The following VWDE variants were observed in gnomAD, a reference collection of about 807,000 sequenced individuals.
VWDE encodes the protein von Willebrand factor D and EGF domains, also known as von Willebrand factor D and EGF domain-containing protein.
Under a neutral mutation model 178.4 loss-of-function variants are expected in VWDE, and 207 were observed. The observed-to-expected ratio is 1.16, with a 90% CI of 1.04 to 1.30. The LOEUF (loss-of-function observed/expected upper bound fraction) is 1.30, where lower values mean the gene tolerates loss of function less well. VWDE is among the 50% of genes most tolerant of loss of function. The probability of loss-of-function intolerance (pLI) is 0.00; values close to 1 mark genes in which losing one functional copy is unlikely to be tolerated. For missense variants in VWDE, 2,287 were observed against 1,901.3 expected (o/e 1.20, Z -3.77); for synonymous variants, 738 against 651.4 (o/e 1.13, Z -2.02).
intron 28 of VWDE, among the ~76,000 whole-genome samples, chr7:12,332,038 C>T (rs1305104691): frequency 1.3e-5 from 2 of 152,052 alleles, no homozygotes; most frequent in Non-Finnish European, 2.9e-5. Context: ...CTGAACCCTC[C>T]TTTGGGGAAG....
chr7:12,389,451 A>C (rs1223738316), intron 2 of VWDE, 93 bp from the exon 3 acceptor site: 3 of 892,142 alleles, frequency 3.4e-6, no homozygotes, highest in Non-Finnish European at 3.4e-6. Flanking sequence ...ATCAAGCCTT[A>C]AAATATCATT....
At chr7:12,347,879 T>C (rs1297722668) in intron 19 of VWDE, among the ~76,000 whole-genome samples, 4 of 152,152 alleles carry the variant, frequency 2.6e-5, no homozygotes, top group East Asian at 3.9e-4. Flanking sequence ...AACAGAGATA[T>C]AGATCAATAG....
chr7:12,366,686 A>C (rs1330989438), intron 13 of VWDE, among the ~76,000 whole-genome samples: 1 of 152,094 alleles, frequency 6.6e-6, no homozygotes, highest in African/African-American at 2.4e-5. Context: ...TAATTTAGAG[A>C]AAAAGTAAGA....
At chr7:12,368,024 G>A (rs1782957264) in intron 12 of VWDE, among the ~76,000 whole-genome samples, 1 of 151,766 alleles carries the variant, frequency 6.6e-6, no homozygotes, top group Non-Finnish European at 1.5e-5. Context: ...AACTCTACTA[G>A]CAGTAGGGTA....
intron 27 of VWDE, 58 bp from the exon 28 acceptor site, chr7:12,333,626 T>C: frequency 8.2e-7 from 1 of 1,212,624 alleles, no homozygotes; most frequent in African/African-American, 1.5e-5. Context: ...TTGTGGCATA[T>C]TCTATCCTAG....
rs111611687 is a variant in VWDE, at chr7:12,381,399, A to G, written c.542-666T>C. 7.7e-3 allele frequency among the ~76,000 whole-genome samples: 1,168 copies of G among 152,226 alleles called. 14 individuals carry two copies. Among genetic ancestry groups the G allele is most frequent in the African/African-American group, 0.026 (1,078 of 41,556 alleles). The stretch of plus-strand genomic sequence containing the variant: ...TTTAGTTTTGTTCTGTTTTAGAAAG[A>G]GGAAAAATATCTGAGTGGTAAATTT... On this transcript the variant is annotated intron_variant, in intron 4 of 28. Transcript: ENST00000275358.
rs1367450775 is a variant in VWDE at position 12,389,201 on chromosome 7, G to A, written c.401C>T (p.Ser134Phe). The A allele has an allele frequency of 6.4e-7, 1 of 1,551,846 alleles. No homozygotes were observed. The highest frequency in any genetic ancestry group is 8.7e-7 in the Non-Finnish European group (1 of 1,147,040). ...KDCCLFQIPV[S>F]VRNCGNFSVY... ...AGAAAAGTTCCCACAGTTTCTTACAGACACTGGGATTTGAAAGAGACAGCA... is the reference window on the plus strand; with the variant it reads ...AGAAAAGTTCCCACAGTTTCTTACAAACACTGGGATTTGAAAGAGACAGCA... The change falls in exon 3 of 29, where the codon TCT becomes TTT. Residue 134 changes from serine to phenylalanine, a missense_variant. Ser to Phe is a radical substitution (Grantham distance 155). Transcript: ENST00000275358.
chr7:12,356,419 T>G, intron 17 of VWDE, 89 bp from the exon 18 acceptor site: 1 of 910,742 alleles, frequency 1.1e-6, no homozygotes, highest in Non-Finnish European at 1.7e-6. Context: ...CATGTATGTT[T>G]ATGTACAAGT....
chr7:12,361,661 T>C (rs1340247434), intron 13 of VWDE, 140 bp from the exon 14 acceptor site: 4 of 744,902 alleles, frequency 5.4e-6, no homozygotes, highest in African/African-American at 1.8e-5. Flanking sequence ...AAAAGTCACA[T>C]TGGGAGTGAG....
At chr7:12,347,133 C>T (rs1007182878) in intron 19 of VWDE, among the ~76,000 whole-genome samples, 12 of 152,024 alleles carry the variant, frequency 7.9e-5, no homozygotes, top group Non-Finnish European at 1.5e-4. Context: ...ACTAGCAGTC[C>T]CCAGAAGAAC....
At chr7:12,355,419 A>AT (rs1344259410) in intron 18 of VWDE, among the ~76,000 whole-genome samples, 1 of 151,696 alleles carries the variant, frequency 6.6e-6, no homozygotes, top group African/African-American at 2.4e-5. Context: ...CCGTCTCAAA[A>AT]AAAAAAAAAA....
At position 12,342,967 on chromosome 7, in the gene VWDE, C is replaced by G. The variant is rs115146702; in HGVS notation, c.4174+116G>C. Reference sequence around the variant, plus strand: ...TTGTCCTTGCGATAGTTTACAAGAACTATCACAATGTGTGTTCTTTACGTA... The same window carrying G: ...TTGTCCTTGCGATAGTTTACAAGAAGTATCACAATGTGTGTTCTTTACGTA... On this transcript the variant is annotated intron_variant, in intron 22 of 28. Coordinates refer to ENST00000275358, the MANE Select transcript of VWDE (RefSeq NM_001135924.3). 674 of 661,446 alleles carry G rather than the reference C, an allele frequency of 1.0e-3. 10 individuals carry two copies. In the African/African-American group the frequency reaches 0.012, roughly 11 times the overall value. 41.0% of individuals were successfully genotyped at this position (661,446 alleles called of 1,614,324 possible). A position where few individuals can be genotyped will look rare whatever the true frequency, so the allele number is the denominator to read the frequency against.
intron 8 of VWDE, 112 bp downstream of exon 8, chr7:12,374,898 A>G: frequency 8.2e-7 from 1 of 1,226,802 alleles, no homozygotes. Flanking sequence ...GAATCATTTA[A>G]AAACTAATTT....
chr7:12,346,459 T>TAA (rs1331121663), intron 19 of VWDE, among the ~76,000 whole-genome samples: 2 of 152,054 alleles, frequency 1.3e-5, no homozygotes, highest in African/African-American at 4.8e-5. Context: ...ACTAAATGTA[T>TAA]AAGCAAAAAT....
At chr7:12,341,840 G>C (rs941177331) in intron 23 of VWDE, among the ~76,000 whole-genome samples, 15 of 152,134 alleles carry the variant, frequency 9.9e-5, no homozygotes, top group Non-Finnish European at 1.9e-4. Context: ...GTATTGGTTG[G>C]TTAAGATAAC....
chr7:12,343,192 T>C lies in VWDE; in HGVS notation c.4079-14A>G, dbSNP rs1333934685. ...GGTTACAATGTTCTGCAGAAACAGA[T>C]TATGTTATTATGTCAGTTCTTAATT... On this transcript the variant is annotated splice_polypyrimidine_tract_variant and intron_variant, in intron 21 of 28. Coordinates refer to ENST00000275358, the MANE Select transcript of VWDE (RefSeq NM_001135924.3). The C allele has an allele frequency of 6.6e-7, 1 of 1,524,446 alleles. No individual in the cohort carries two copies. The highest frequency in any genetic ancestry group is 8.9e-7 in the Non-Finnish European group (1 of 1,126,034). 94.4% of individuals were successfully genotyped at this position (1,524,446 alleles called of 1,614,324 possible).
chr7:12,399,120 G>T (rs1784760458), intron 1 of VWDE, among the ~76,000 whole-genome samples: 1 of 152,072 alleles, frequency 6.6e-6, no homozygotes, highest in South Asian at 2.1e-4. Context: ...AAAAGCAAGG[G>T]AAAATAGAGT....
rs1783440338 is a variant in VWDE at position 12,375,022 on chromosome 7, TG to T, written c.1229del (p.Pro410GlnfsTer8). 1 of 1,551,060 alleles carries T rather than the reference TG, an allele frequency of 6.4e-7. No individual in the cohort carries two copies. Among genetic ancestry groups the T allele is most frequent in the Non-Finnish European group, 8.7e-7 (1 of 1,146,558 alleles). On this transcript the variant is annotated frameshift_variant, in exon 8 of 29. Coordinates refer to ENST00000275358, the MANE Select transcript of VWDE (RefSeq NM_001135924.3). LOFTEE classifies it high-confidence loss of function. ...NEDFLWNNYI[P>X]DSIQIKVKDV... ...GTAATTTGTCAACCTGGATGCTGTC[TG>T]GAATGTAGTTGTTCCACAGGAAATC...
intron 1 of VWDE, among the ~76,000 whole-genome samples, chr7:12,398,683 T>C (rs1377888622): frequency 2.6e-5 from 4 of 152,090 alleles, no homozygotes; most frequent in Non-Finnish European, 4.4e-5. Context: ...ATTTCAGTAA[T>C]ACATATACAC....
Sources: gnomAD v4.1 joint callset for allele counts (sites outside exome capture counted in the v4.1 genomes callset) on GRCh38, gnomAD v4.1.1 for gene constraint, MANE v1.5 for transcripts, NCBI Gene and HGNC (gene_info 2026-07-23, HGNC 2026-07-21) for gene names.